The following NR6A1 variants were observed in gnomAD, a reference collection of about 807,000 sequenced individuals.
NR6A1 encodes nuclear receptor subfamily 6 group A member 1.
Under a neutral mutation model 59.1 loss-of-function variants are expected in NR6A1, and 7 were observed. That is an observed-to-expected ratio of 0.12 (90% confidence interval 0.07 to 0.22). NR6A1 has a LOEUF of 0.22. NR6A1 is among the 10% of genes least tolerant of loss of function. NR6A1 has a pLI of 1.00. For synonymous variants in NR6A1, 243 were observed against 236.1 expected (o/e 1.03, Z -0.27); for missense variants, 468 against 611.6 (o/e 0.77, Z 2.48).
chr9:124,657,692 A>G (rs1837299972), intron 2 of NR6A1, among the ~76,000 whole-genome samples: 1 of 152,116 alleles, frequency 6.6e-6, no homozygotes, highest in African/African-American at 2.4e-5. Context: ...GCTGTCTTGC[A>G]TGATTAAAGG....
intron 2 of NR6A1, among the ~76,000 whole-genome samples, chr9:124,664,697 G>C (rs993723027): frequency 6.6e-6 from 1 of 152,286 alleles, no homozygotes; most frequent in African/African-American, 2.4e-5. Context: ...AGATGGTACT[G>C]GGTTCTTACT....
rs998508685 is a variant in NR6A1, at chr9:124,547,441, A to G, written c.386-3584T>C. On this transcript the variant is annotated intron_variant, in intron 3 of 9. Coordinates refer to ENST00000487099, the MANE Select transcript of NR6A1 (RefSeq NM_033334.4). ...CATAAATGCTATACCCTACATGTAGATAACTATTTGTTAGTCTTTAAACAT... is the reference window on the plus strand; with the variant it reads ...CATAAATGCTATACCCTACATGTAGGTAACTATTTGTTAGTCTTTAAACAT... Among the ~76,000 whole-genome samples the G allele has an allele frequency of 3.9e-5, 6 of 152,180 alleles. No homozygotes were observed. The East Asian group carries it at 1.2e-3, about 29-fold the overall frequency.
At chr9:124,598,527 G>C (rs1384054154) in intron 2 of NR6A1, among the ~76,000 whole-genome samples, 2 of 151,692 alleles carry the variant, frequency 1.3e-5, no homozygotes, top group African/African-American at 4.8e-5. Context: ...CGTAGCATTT[G>C]CATACTGCAA....
chr9:124,726,365 A>C (rs1839718535), intron 2 of NR6A1, among the ~76,000 whole-genome samples: 1 of 152,208 alleles, frequency 6.6e-6, no homozygotes, highest in African/African-American at 2.4e-5. Flanking sequence ...TTTCTCATGT[A>C]ATGTATTTTG....
chr9:124,685,625 C>T (rs1386175329), intron 2 of NR6A1, among the ~76,000 whole-genome samples: 2 of 152,178 alleles, frequency 1.3e-5, no homozygotes, highest in African/African-American at 2.4e-5. Flanking sequence ...CCACTGTGCC[C>T]AGCCTACACT....
At chr9:124,610,817 G>A (rs977030644) in intron 2 of NR6A1, among the ~76,000 whole-genome samples, 2 of 152,030 alleles carry the variant, frequency 1.3e-5, no homozygotes, top group Non-Finnish European at 2.9e-5. Context: ...CTTCTTCCTG[G>A]CTCATTCTTG....
chr9:124,697,586 C>T (rs1472477900), intron 2 of NR6A1, among the ~76,000 whole-genome samples: 4 of 149,786 alleles, frequency 2.7e-5, no homozygotes, highest in Non-Finnish European at 5.9e-5. Flanking sequence ...GCCAAAGAAG[C>T]AGTGTTTTTA....
intron 1 of NR6A1, among the ~76,000 whole-genome samples, chr9:124,762,880 C>T (rs78730530): frequency 0.01 from 1,572 of 152,296 alleles, 26 homozygotes; most frequent in African/African-American, 0.036. Flanking sequence ...CTCTTAGTGG[C>T]AAGTACAAGT....
chr9:124,690,188 C>T (rs1459306366), intron 2 of NR6A1, among the ~76,000 whole-genome samples: 2 of 152,198 alleles, frequency 1.3e-5, no homozygotes, highest in Non-Finnish European at 2.9e-5. Context: ...GAGACGATGA[C>T]TCCTCTTCTA....
At chr9:124,574,866 G>T (rs1472904218) in intron 2 of NR6A1, among the ~76,000 whole-genome samples, 1 of 152,120 alleles carries the variant, frequency 6.6e-6, no homozygotes, top group Middle Eastern at 3.2e-3. Flanking sequence ...TACCTTTCGG[G>T]TATAAAGTAT....
intron 8 of NR6A1, among the ~76,000 whole-genome samples, 189 bp from the exon 9 acceptor site, chr9:124,525,062 G>T (rs1440778131): frequency 6.6e-6 from 1 of 151,956 alleles, no homozygotes; most frequent in Non-Finnish European, 1.5e-5. Flanking sequence ...AGAGAGAGAG[G>T]AAAAAAATAC....
chr9:124,627,711 A>C (rs1588720288), intron 2 of NR6A1, among the ~76,000 whole-genome samples: 1 of 152,132 alleles, frequency 6.6e-6, no homozygotes, highest in East Asian at 1.9e-4. Flanking sequence ...AGCTCAGACT[A>C]CAGGCATGTG....
At chr9:124,650,918 C>T (rs1837081550) in intron 2 of NR6A1, among the ~76,000 whole-genome samples, 1 of 152,152 alleles carries the variant, frequency 6.6e-6, no homozygotes, top group African/African-American at 2.4e-5. Flanking sequence ...ATAATCACCA[C>T]CACCACTCTC....
chr9:124,642,780 G>A (rs1440819254), intron 2 of NR6A1, among the ~76,000 whole-genome samples: 1 of 152,190 alleles, frequency 6.6e-6, no homozygotes, highest in Non-Finnish European at 1.5e-5. Flanking sequence ...AGAGTGAGAT[G>A]ACCAAATTGG....
At chr9:124,653,392 T>A (rs946376592) in intron 2 of NR6A1, among the ~76,000 whole-genome samples, 1 of 152,104 alleles carries the variant, frequency 6.6e-6, no homozygotes, top group African/African-American at 2.4e-5. Context: ...ATGCTGTTAT[T>A]TTCTGTATTT....
At chr9:124,748,492 T>G (rs1840398842) in intron 1 of NR6A1, among the ~76,000 whole-genome samples, 1 of 152,150 alleles carries the variant, frequency 6.6e-6, no homozygotes, top group Admixed American at 6.5e-5. Flanking sequence ...GGGAATAACA[T>G]TTGTAGGATT....
chr9:124,651,909 T>G (rs1322749776), intron 2 of NR6A1, among the ~76,000 whole-genome samples: 1 of 152,172 alleles, frequency 6.6e-6, no homozygotes, highest in African/African-American at 2.4e-5. Context: ...TGACCATTTC[T>G]GCCTCTCCCA....
At chr9:124,590,832 G>C (rs946096187) in intron 2 of NR6A1, among the ~76,000 whole-genome samples, 1 of 152,126 alleles carries the variant, frequency 6.6e-6, no homozygotes, top group Non-Finnish European at 1.5e-5. Context: ...TCAAAACACA[G>C]GAAATTAAGA....
intron 6 of NR6A1, among the ~76,000 whole-genome samples, chr9:124,537,571 G>A (rs1188103583): frequency 1.3e-5 from 2 of 152,050 alleles, no homozygotes; most frequent in African/African-American, 4.8e-5. Flanking sequence ...CAATGGGTAG[G>A]CCCGAAGGCT....
Sources: allele counts gnomAD v4.1 joint callset (sites outside exome capture counted in the v4.1 genomes callset), GRCh38; gene constraint gnomAD v4.1.1; transcripts MANE v1.5; gene names NCBI Gene and HGNC (gene_info 2026-07-23, HGNC 2026-07-21).